The following B4GALNT1 variants were observed in gnomAD, a reference collection of about 807,000 sequenced individuals.
B4GALNT1 encodes beta-1,4 N-acetylgalactosaminyltransferase 1.
Under a neutral mutation model 55.2 loss-of-function variants are expected in B4GALNT1, and 43 were observed. The ratio of observed to expected loss-of-function variants is 0.78; its 90% confidence interval spans 0.61 to 1.00. The LOEUF (loss-of-function observed/expected upper bound fraction) is 1.00, where lower values mean the gene tolerates loss of function less well. Among genes scored for constraint, B4GALNT1 ranks in the 50% least tolerant of loss-of-function variants. B4GALNT1 has a pLI of 0.00. For missense variants in B4GALNT1, 664 were observed against 729.7 expected (o/e 0.91, Z 1.04); for synonymous variants, 305 against 311.6 (o/e 0.98, Z 0.22).
intron 1 of B4GALNT1, 133 bp from the exon 2 acceptor site, chr12:57,632,266 G>A: frequency 1.1e-6 from 1 of 900,778 alleles, no homozygotes; most frequent in Non-Finnish European, 1.8e-6. Context: ...CATCGCGCTA[G>A]GGTTTGCACT....
chr12:57,629,772 GA>G (rs1280180084), intron 6 of B4GALNT1: 1 of 1,434,902 alleles, frequency 7.0e-7, no homozygotes, highest in African/African-American at 1.4e-5. Flanking sequence ...GAGAAGCAAA[GA>G]GGGCTTTTAG....
At chr12:57,627,372 C>T (rs1422144312) in intron 10 of B4GALNT1, among the ~76,000 whole-genome samples, 1 of 150,984 alleles carries the variant, frequency 6.6e-6, no homozygotes, top group Non-Finnish European at 1.5e-5. Context: ...TGCACATGTA[C>T]CCTAGAACTT....
chr12:57,627,932 G>T, intron 9 of B4GALNT1, 74 bp from the exon 10 acceptor site: 2 of 1,476,092 alleles, frequency 1.4e-6, no homozygotes. Flanking sequence ...CTGCGCTCCG[G>T]TGCCTTCGGG....
intron 9 of B4GALNT1, 82 bp downstream of exon 9, chr12:57,628,040 T>C: frequency 1.3e-6 from 2 of 1,574,402 alleles, no homozygotes; most frequent in South Asian, 1.1e-5. Flanking sequence ...GGGCTGGCCG[T>C]TCCTGGCCGC....
At chr12:57,628,355 GTA>G in intron 8 of B4GALNT1, 93 bp from the exon 9 acceptor site, 1 of 1,561,268 alleles carries the variant, frequency 6.4e-7, no homozygotes, top group South Asian at 1.2e-5. Context: ...TTCTCAGCTT[GTA>G]TTCTTCTCCA....
rs12322482 is a variant in B4GALNT1, at chr12:57,628,291, G to A, written c.1003-29C>T. Reference sequence around the variant, plus strand: ...GCAGAAAGGTGTGTGTGGTTGGGGAGGCTGCAGAAATAGGACATGGCCCTC... The same window carrying A: ...GCAGAAAGGTGTGTGTGGTTGGGGAAGCTGCAGAAATAGGACATGGCCCTC... On this transcript the variant is annotated intron_variant, in intron 8 of 10. Coordinates refer to ENST00000341156, the MANE Select transcript of B4GALNT1 (RefSeq NM_001478.5). The A allele has an allele frequency of 0.21, 331,381 of 1,612,612 alleles. 35,634 individuals carry two copies. The highest frequency in any genetic ancestry group is 0.3 in the Admixed American group (18,074 of 59,984).
At chr12:57,631,781 C>T in intron 2 of B4GALNT1, 134 bp downstream of exon 2, 1 of 953,582 alleles carries the variant, frequency 1.0e-6, no homozygotes, top group Non-Finnish European at 1.4e-6. Context: ...AGCAGCCTCC[C>T]ACTTCCACCT....
At position 57,625,894 on chromosome 12, in the gene B4GALNT1, A is replaced by C; in HGVS notation, c.*850T>G. ...TGAGCTATGGGTGAGGAACTGAAGA[A>C]CTCAGATCCCTAAGTAGGTGGGGTA... On this transcript the variant is annotated 3_prime_UTR_variant, in exon 11 of 11. Coordinates refer to ENST00000341156, the MANE Select transcript of B4GALNT1 (RefSeq NM_001478.5). 1 of 878,076 alleles carries C rather than the reference A, an allele frequency of 1.1e-6. No homozygotes were observed. Among genetic ancestry groups the C allele is most frequent in the Middle Eastern group, 3.7e-4 (1 of 2,694 alleles). The allele number at this position is 878,076 out of a possible 1,614,324, so 54.4% of individuals were successfully genotyped here. A position where few individuals can be genotyped will look rare whatever the true frequency, so the allele number is the denominator to read the frequency against.
At position 57,626,837 on chromosome 12, in the gene B4GALNT1, C is replaced by T. The variant is rs767678936; in HGVS notation, c.1509G>A (p.Arg503=). ...CGTCCAGTGATCCTGGGTAACGGTA[C>T]CGGGCGTAAGTCTCTGCTCCGGCAT... ...SRDAGAETYA[R]YRYPGSLDES... is the part of the protein sequence containing the mutation. Residue 503 remains arginine (R), a synonymous_variant, in exon 11 of 11, where the codon CGG becomes CGA. Coordinates refer to ENST00000341156, the MANE Select transcript of B4GALNT1 (RefSeq NM_001478.5). The T allele has an allele frequency of 2.5e-6, 4 of 1,614,042 alleles. No individual in the cohort carries two copies. Among genetic ancestry groups the T allele is most frequent in the Admixed American group, 3.3e-5 (2 of 59,988 alleles).
At position 57,623,630 on chromosome 12, in the gene B4GALNT1, T is replaced by C; in HGVS notation, c.*3114A>G. The C allele has an allele frequency of 8.7e-6, 5 of 574,206 alleles. No individual in the cohort carries two copies. The highest frequency in any genetic ancestry group is 1.5e-5 in the Non-Finnish European group (5 of 323,684). 35.6% of individuals were successfully genotyped at this position (574,206 alleles called of 1,614,324 possible). A position where few individuals can be genotyped will look rare whatever the true frequency, so the allele number is the denominator to read the frequency against. Reference sequence around the variant, plus strand: ...GAACAATGGACATCTACAAGGAGACTGGTGAATAATGGGCATTTAATTAAT... The same window carrying C: ...GAACAATGGACATCTACAAGGAGACCGGTGAATAATGGGCATTTAATTAAT... On this transcript the variant is annotated 3_prime_UTR_variant, in exon 11 of 11. Coordinates refer to ENST00000341156, the MANE Select transcript of B4GALNT1 (RefSeq NM_001478.5).
intron 8 of B4GALNT1, 35 bp from the exon 9 acceptor site, chr12:57,628,297 AGAAATAG>A (rs1884978796): frequency 6.2e-7 from 1 of 1,612,646 alleles, no homozygotes; most frequent in Non-Finnish European, 8.5e-7. Context: ...GGGAGGCTGC[AGAAATAG>A]GACATGGCCC....
chr12:57,625,780 G>A lies in B4GALNT1; in HGVS notation c.*964C>T. 6.6e-7 allele frequency: 1 copy of A among 1,508,922 alleles called. No individual in the cohort carries two copies. Among genetic ancestry groups the A allele is most frequent in the Non-Finnish European group, 8.8e-7 (1 of 1,131,704 alleles). 93.5% of individuals were successfully genotyped at this position (1,508,922 alleles called of 1,614,324 possible). On this transcript the variant is annotated 3_prime_UTR_variant, in exon 11 of 11. Transcript: ENST00000341156. ...AAGTGGCTGGAGACCCAGGGAGAGG[G>A]GTTTGGGAAAGGGTCTGAGGAAGAT... is the stretch of plus-strand genomic sequence containing the variant.
intron 1 of B4GALNT1, 122 bp from the exon 2 acceptor site, chr12:57,632,255 A>G: frequency 3.1e-6 from 3 of 957,344 alleles, no homozygotes; most frequent in Middle Eastern, 2.1e-4. Flanking sequence ...TCCACTCCAC[A>G]CATCGCGCTA....
intron 8 of B4GALNT1, 108 bp from the exon 9 acceptor site, chr12:57,628,370 CT>C: frequency 6.7e-7 from 1 of 1,503,148 alleles, no homozygotes; most frequent in Non-Finnish European, 9.0e-7. Flanking sequence ...CTTCTCCAGA[CT>C]TTTGAGTGCT....
chr12:57,626,953 A>G lies in B4GALNT1; in HGVS notation c.1393T>C (p.Leu465=), dbSNP rs1395680433. Residue 465 remains leucine (L), a synonymous_variant, in exon 11 of 11, where the codon TTG becomes CTG. Transcript: ENST00000341156. ...ACCCGAAGGGAACCAAGCCCATCCA[A>G]GAAGAATTCTGGGGGTGGAGGGGAG... The part of the protein sequence containing the change: ...LSRVAHLEFF[L]DGLGSLRVGS... The G allele has an allele frequency of 6.2e-7, 1 of 1,613,584 alleles. No individual in the cohort carries two copies. Among genetic ancestry groups the G allele is most frequent in the Non-Finnish European group, 8.5e-7 (1 of 1,179,682 alleles).
rs114527894 is a variant in B4GALNT1, at chr12:57,623,577, G to A, written c.*3167C>T. The stretch of plus-strand genomic sequence containing the variant: ...GTAACCCAACAGTGGCTTTTAAGGT[G>A]GAGGTGGGCTACAAAACTGGGGAAC... On this transcript the variant is annotated 3_prime_UTR_variant, in exon 11 of 11. Coordinates refer to ENST00000341156, the MANE Select transcript of B4GALNT1 (RefSeq NM_001478.5). 1,883 of 529,240 alleles carry A rather than the reference G, an allele frequency of 3.6e-3. 27 individuals are homozygous for A. The highest frequency in any genetic ancestry group is 0.029 in the African/African-American group (1,522 of 52,260). 32.8% of individuals were successfully genotyped at this position (529,240 alleles called of 1,614,324 possible). A position where few individuals can be genotyped will look rare whatever the true frequency, so the allele number is the denominator to read the frequency against.
intron 9 of B4GALNT1, 30 bp downstream of exon 9, chr12:57,628,092 C>T: frequency 1.2e-6 from 2 of 1,611,698 alleles, no homozygotes; most frequent in Non-Finnish European, 1.7e-6. Flanking sequence ...GGCCCTTCTC[C>T]ACCCCCACAT....
Position 57,624,941 on chromosome 12 carries a change from T to G in B4GALNT1, c.*1803A>C, listed in dbSNP as rs749700507. The G allele has an allele frequency of 1.2e-6, 2 of 1,614,158 alleles. No homozygotes were observed. Among genetic ancestry groups the G allele is most frequent in the Non-Finnish European group, 1.7e-6 (2 of 1,180,030 alleles). ...CTTTGGGACCCGTGGGCAGTTTCGC[T>G]GCAACCTGGAGTGGCACCTGGGGCT... is the stretch of plus-strand genomic sequence containing the variant. On this transcript the variant is annotated 3_prime_UTR_variant, in exon 11 of 11. Transcript: ENST00000341156.
At chr12:57,630,654 T>C (rs766552309) in intron 4 of B4GALNT1, 136 bp from the exon 5 acceptor site, 362 of 1,079,950 alleles carry the variant, frequency 3.4e-4, no homozygotes, top group Non-Finnish European at 4.3e-4. Flanking sequence ...CAGGGCACAC[T>C]GTATAACATA....
Sources: gnomAD v4.1 joint callset for allele counts (sites outside exome capture counted in the v4.1 genomes callset) on GRCh38, gnomAD v4.1.1 for gene constraint, MANE v1.5 for transcripts, NCBI Gene and HGNC (gene_info 2026-07-23, HGNC 2026-07-21) for gene names.